Variants in ST6GAL1 observed in about 807,000 individuals in gnomAD.
The protein encoded by ST6GAL1 is ST6 beta-galactoside alpha-2,6-sialyltransferase 1, also known as beta-galactoside alpha-2,6-sialyltransferase 1.
A neutral mutation model predicts 38.0 loss-of-function variants in ST6GAL1; 20 were observed. That is an observed-to-expected ratio of 0.53 (90% confidence interval 0.37 to 0.77). The LOEUF is 0.77. Among genes scored for constraint, ST6GAL1 ranks in the 30% least tolerant of loss-of-function variants. The pLI is 0.00. For synonymous variants in ST6GAL1, 196 were observed against 188.2 expected, an observed-to-expected ratio of 1.04 and a Z score of -0.34; for missense variants, 432 against 496.4, an observed-to-expected ratio of 0.87 and a Z score of 1.23.
chr3:187,040,961 A>C (rs957378620), intron 3 of ST6GAL1, among the ~76,000 whole-genome samples: 1 of 152,124 alleles, frequency 6.6e-6, no homozygotes, highest in African/African-American at 2.4e-5. Context: ...GTTCATGGAG[A>C]ATTCCCAGGG....
rs572283606 is a variant in ST6GAL1, at chr3:187,072,706, G to A, written c.706-143G>A. The A allele has an allele frequency of 6.1e-4, 458 of 755,940 alleles. 1 individual carries two copies. Among genetic ancestry groups the A allele is most frequent in the African/African-American group, 3.8e-3 (220 of 58,346 alleles). 46.8% of individuals were successfully genotyped at this position (755,940 alleles called of 1,614,324 possible). On this transcript the variant is annotated intron_variant, in intron 5 of 7. Transcript: ENST00000169298. ...CTGGTATCTTTACCTTTCTTTCACCGAAGTTAAGTGCTGCACCAGAACTTA... is the reference window on the plus strand; with the variant it reads ...CTGGTATCTTTACCTTTCTTTCACCAAAGTTAAGTGCTGCACCAGAACTTA...
intron 2 of ST6GAL1, among the ~76,000 whole-genome samples, chr3:187,037,643 C>A (rs1045407407): frequency 1.3e-5 from 2 of 151,810 alleles, no homozygotes; most frequent in African/African-American, 4.8e-5. Context: ...TGCAGTGGCG[C>A]TCATAGCTCA....
chr3:186,960,764 GTTTT>G (rs943207220), intron 1 of ST6GAL1, among the ~76,000 whole-genome samples: 1 of 148,448 alleles, frequency 6.7e-6, no homozygotes, highest in African/African-American at 2.5e-5. Context: ...TTTGTTTTCT[GTTTT>G]TTTTTTAAAT....
chr3:187,076,026 A>C lies in ST6GAL1; in HGVS notation c.*223A>C. On this transcript the variant is annotated 3_prime_UTR_variant, in exon 8 of 8. Transcript: ENST00000169298. ...GAGCCCAGAGCCTCCTGCCACACAC[A>C]TGCACACATATCTAGCATTCTTTCC... The C allele has an allele frequency of 1.7e-6, 1 of 581,160 alleles. No homozygotes were observed. The allele number at this position is 581,160 out of a possible 1,614,324, so 36.0% of individuals were successfully genotyped here. A position where few individuals can be genotyped will look rare whatever the true frequency, so the allele number is the denominator to read the frequency against.
At chr3:186,973,852 G>A (rs1363532735) in intron 2 of ST6GAL1, among the ~76,000 whole-genome samples, 1 of 152,154 alleles carries the variant, frequency 6.6e-6, no homozygotes, top group Non-Finnish European at 1.5e-5. Flanking sequence ...GCATTCAATC[G>A]ACTTTTTAAA....
intron 1 of ST6GAL1, among the ~76,000 whole-genome samples, chr3:186,955,297 T>C (rs1315755550): frequency 5.3e-5 from 8 of 152,200 alleles, no homozygotes; most frequent in South Asian, 2.1e-4. Flanking sequence ...TTGCTTAGGA[T>C]TGTCTTGGCT....
intron 5 of ST6GAL1, among the ~76,000 whole-genome samples, chr3:187,057,770 A>G (rs1463106100): frequency 2.6e-5 from 4 of 152,184 alleles, no homozygotes; most frequent in African/African-American, 9.7e-5. Context: ...TTGAAGAGGC[A>G]ATCTGTCCGT....
intron 4 of ST6GAL1, among the ~76,000 whole-genome samples, chr3:187,049,329 T>C (rs1198799466): frequency 1.3e-5 from 2 of 152,224 alleles, no homozygotes; most frequent in Non-Finnish European, 2.9e-5. Context: ...TGTTTCGCCT[T>C]GCAGAGTAAA....
At chr3:187,065,718 C>G (rs1364646300) in intron 5 of ST6GAL1, among the ~76,000 whole-genome samples, 1 of 152,212 alleles carries the variant, frequency 6.6e-6, no homozygotes. Flanking sequence ...TGCCTAGCAA[C>G]AGTCCACACT....
At chr3:186,963,634 G>C (rs1195074944) in intron 1 of ST6GAL1, among the ~76,000 whole-genome samples, 151 bp from the exon 2 acceptor site, 1 of 152,216 alleles carries the variant, frequency 6.6e-6, no homozygotes, top group Non-Finnish European at 1.5e-5. Context: ...GATGAGTCTG[G>C]GTGAACATGT....
At chr3:186,977,017 T>C (rs1715542687) in intron 2 of ST6GAL1, among the ~76,000 whole-genome samples, 2 of 152,194 alleles carry the variant, frequency 1.3e-5, no homozygotes, top group African/African-American at 2.4e-5. Flanking sequence ...GATCGGCTTG[T>C]TCTTTATAAA....
chr3:186,933,539 CAAG>C (rs1713836292), intron 1 of ST6GAL1, among the ~76,000 whole-genome samples: 1 of 152,170 alleles, frequency 6.6e-6, no homozygotes, highest in South Asian at 2.1e-4. Context: ...GCCCGAGGAC[CAAG>C]AAGAAAAATC....
At chr3:187,048,493 A>T (rs1718385065) in intron 4 of ST6GAL1, among the ~76,000 whole-genome samples, 1 of 152,184 alleles carries the variant, frequency 6.6e-6, no homozygotes, top group Admixed American at 6.5e-5. Flanking sequence ...TCCCTGAATC[A>T]TCACTCTATG....
Position 187,042,707 on chromosome 3 carries a change from A to G in ST6GAL1, c.4A>G (p.Ile2Val). ...CTTCCCTGAACACATCTTCATTATGATTCACACCAACCTGAAGAAAAAGTT... is the reference window on the plus strand; with the variant it reads ...CTTCCCTGAACACATCTTCATTATGGTTCACACCAACCTGAAGAAAAAGTT... MIHTNLKKKFSC... is the reference protein window; with the variant it reads MVHTNLKKKFSC... The change falls in exon 4 of 8, where the codon ATT becomes GTT. Residue 2 changes from isoleucine to valine, a missense_variant. Physicochemically the swap from Ile to Val is conservative, Grantham distance 29. Coordinates refer to ENST00000169298, the MANE Select transcript of ST6GAL1 (RefSeq NM_173216.2). The G allele has an allele frequency of 6.2e-7, 1 of 1,606,756 alleles. No individual in the cohort carries two copies. The highest frequency in any genetic ancestry group is 8.5e-7 in the Non-Finnish European group (1 of 1,176,698).
intron 2 of ST6GAL1, among the ~76,000 whole-genome samples, chr3:187,031,776 G>A (rs937974959): frequency 7.9e-5 from 12 of 152,190 alleles, no homozygotes; most frequent in Non-Finnish European, 1.3e-4. Context: ...ACACTATGAG[G>A]TAGGACTTGT....
chr3:187,056,035 C>T (rs1055714065), intron 5 of ST6GAL1, among the ~76,000 whole-genome samples: 22 of 152,104 alleles, frequency 1.4e-4, no homozygotes, highest in African/African-American at 5.1e-4. Flanking sequence ...TCTTCTTGTT[C>T]AATCGATCCC....
At chr3:186,944,022 A>G (rs547822429) in intron 1 of ST6GAL1, among the ~76,000 whole-genome samples, 8 of 152,302 alleles carry the variant, frequency 5.3e-5, no homozygotes, top group Admixed American at 4.6e-4. Context: ...GTGTTACCCA[A>G]CTTTTTGTTA....
chr3:186,980,766 C>CAAA (rs58623543), intron 2 of ST6GAL1, among the ~76,000 whole-genome samples: 3 of 121,436 alleles, frequency 2.5e-5, no homozygotes, highest in Non-Finnish European at 3.5e-5. Flanking sequence ...GACTCCATCT[C>CAAA]AAAAAAAAAA....
intron 2 of ST6GAL1, among the ~76,000 whole-genome samples, chr3:186,974,680 C>CATTAATTA (rs899411646): frequency 4.7e-5 from 7 of 148,450 alleles, no homozygotes; most frequent in African/African-American, 1.5e-4. Flanking sequence ...AGGAAGATCT[C>CATTAATTA]ATTAATTAAT....
Sources: allele counts gnomAD v4.1 joint callset (sites outside exome capture counted in the v4.1 genomes callset), GRCh38; gene constraint gnomAD v4.1.1; transcripts MANE v1.5; gene names NCBI Gene and HGNC (gene_info 2026-07-23, HGNC 2026-07-21).